The following SH3BP5 variants were observed in gnomAD, a reference collection of about 807,000 sequenced individuals.
SH3BP5 encodes the protein SH3 domain-binding protein 5.
A neutral mutation model predicts 43.3 loss-of-function variants in SH3BP5; 22 were observed. The observed-to-expected ratio is 0.51, with a 90% CI of 0.36 to 0.73. The LOEUF (loss-of-function observed/expected upper bound fraction) is 0.73, where lower values mean the gene tolerates loss of function less well. Among genes scored for constraint, SH3BP5 ranks in the 30% least tolerant of loss-of-function variants. SH3BP5 has a pLI of 0.00. For missense variants in SH3BP5, 529 were observed against 586.9 expected (o/e 0.90, Z 1.02); for synonymous variants, 255 against 225.8 (o/e 1.13, Z -1.16).
chr3:15,338,453 G>A (rs368286097), intron 1 of SH3BP5, among the ~76,000 whole-genome samples: 11 of 152,346 alleles, frequency 7.2e-5, no homozygotes, highest in Admixed American at 5.2e-4. Context: ...ACACTCTGGT[G>A]TCAATATCGG....
At chr3:15,294,109 AAAAAG>A (rs987332257) in intron 3 of SH3BP5, among the ~76,000 whole-genome samples, 3 of 151,714 alleles carry the variant, frequency 2.0e-5, no homozygotes, top group Non-Finnish European at 4.4e-5. Context: ...AAGAAACAAG[AAAAAG>A]AAAAGAGTAC....
intron 3 of SH3BP5, among the ~76,000 whole-genome samples, chr3:15,299,483 ATTTTT>A (rs60281447): frequency 2.1e-4 from 19 of 92,254 alleles, no homozygotes; most frequent in Non-Finnish European, 3.2e-4. Flanking sequence ...CAACAATTAG[ATTTTT>A]TTTTTTTTTT....
chr3:15,296,270 T>G (rs1303290669), intron 3 of SH3BP5, among the ~76,000 whole-genome samples: 1 of 148,826 alleles, frequency 6.7e-6, no homozygotes, highest in Non-Finnish European at 1.5e-5. Context: ...GAGATGCTTT[T>G]CTTTGCCAAT....
In SH3BP5 at chr3:15,296,186, A is replaced by G. The variant is rs528579017; in HGVS notation, c.330+7917T>C. On this transcript the variant is annotated intron_variant, in intron 3 of 8. Coordinates refer to ENST00000383791, the MANE Select transcript of SH3BP5 (RefSeq NM_004844.5). ...TTGTATTTACCTCTGCCATAACACCACCTTCAAGAAGATGGGGCTCCTGGA... is the reference window on the plus strand; with the variant it reads ...TTGTATTTACCTCTGCCATAACACCGCCTTCAAGAAGATGGGGCTCCTGGA... 7.2e-5 allele frequency among the ~76,000 whole-genome samples: 11 copies of G among 152,174 alleles called. No individual in the cohort carries two copies. The South Asian group carries it at 2.3e-3, about 32-fold the overall frequency.
At chr3:15,260,521 A>C (rs949972897) in intron 5 of SH3BP5, 30 of 152,524 alleles carry the variant, frequency 2.0e-4, no homozygotes, top group African/African-American at 7.0e-4. Context: ...ACCCTCCATG[A>C]AGCTCTCAAG....
Position 15,289,395 on chromosome 3 carries a change from A to AT in SH3BP5, c.330+14707dup, listed in dbSNP as rs376987102. On this transcript the variant is annotated intron_variant, in intron 3 of 8. Coordinates refer to ENST00000383791, the MANE Select transcript of SH3BP5 (RefSeq NM_004844.5). ...TTCCTCCTTCTGTCCTGAAATGCAG[A>AT]TGTGATGGCTGGAGTTCCTGGAGCC... Among the ~76,000 whole-genome samples the AT allele has an allele frequency of 3.1e-3, 470 of 152,284 alleles. 5 individuals carry two copies. Among genetic ancestry groups the AT allele is most frequent in the African/African-American group, 0.011 (453 of 41,572 alleles).
chr3:15,280,298 A>C (rs1697086739), intron 3 of SH3BP5, among the ~76,000 whole-genome samples: 1 of 152,024 alleles, frequency 6.6e-6, no homozygotes, highest in African/African-American at 2.4e-5. Context: ...TTCATGCTCT[A>C]GCAGTGTGCC....
chr3:15,298,215 G>A (rs544946253), intron 3 of SH3BP5, among the ~76,000 whole-genome samples: 9 of 152,012 alleles, frequency 5.9e-5, no homozygotes, highest in Admixed American at 1.3e-4. Context: ...CAGTCCTCCC[G>A]CCTTGGCCTC....
intron 2 of SH3BP5, among the ~76,000 whole-genome samples, chr3:15,312,913 G>T (rs1381392871): frequency 6.6e-6 from 1 of 152,042 alleles, no homozygotes; most frequent in Non-Finnish European, 1.5e-5. Context: ...ATTTTCCTTT[G>T]ATGGTTTTCC....
At chr3:15,315,547 A>G (rs974868216) in intron 2 of SH3BP5, among the ~76,000 whole-genome samples, 1 of 152,126 alleles carries the variant, frequency 6.6e-6, no homozygotes, top group Non-Finnish European at 1.5e-5. Flanking sequence ...AAGGGTCATC[A>G]TGGTTTTCTC....
At chr3:15,332,193 A>G (rs1698628958) in intron 1 of SH3BP5, 78 bp downstream of exon 1, 1 of 1,537,606 alleles carries the variant, frequency 6.5e-7, no homozygotes, top group East Asian at 2.4e-5. Context: ...GGGGCTGCGA[A>G]GTGGCTGTAC....
At chr3:15,273,756 C>T (rs1290739966) in intron 3 of SH3BP5, among the ~76,000 whole-genome samples, 1 of 152,202 alleles carries the variant, frequency 6.6e-6, no homozygotes, top group African/African-American at 2.4e-5. Flanking sequence ...CTCACTACAA[C>T]TGGTCCCTCT....
intron 5 of SH3BP5, chr3:15,260,128 G>A (rs986382427): frequency 2.7e-6 from 1 of 369,922 alleles, no homozygotes; most frequent in African/African-American, 2.1e-5. Context: ...AGCCTCACAG[G>A]TTATACCCAG....
chr3:15,281,363 G>A (rs1697124501), intron 3 of SH3BP5, among the ~76,000 whole-genome samples: 1 of 152,180 alleles, frequency 6.6e-6, no homozygotes, highest in Non-Finnish European at 1.5e-5. Flanking sequence ...CATGGTCTGT[G>A]TCAAGAGAAC....
At chr3:15,326,574 G>A (rs577154420) in intron 2 of SH3BP5, among the ~76,000 whole-genome samples, 1 of 152,312 alleles carries the variant, frequency 6.6e-6, no homozygotes, top group East Asian at 1.9e-4. Flanking sequence ...TTCCATACTT[G>A]TGAATTCGTC....
chr3:15,296,341 TACACACACACACAC>T (rs141504303), intron 3 of SH3BP5, among the ~76,000 whole-genome samples: 1 of 146,160 alleles, frequency 6.8e-6, no homozygotes, highest in African/African-American at 2.5e-5. Context: ...GGAAATCATA[TACACACACACACAC>T]ACACACACAC....
chr3:15,323,899 C>G (rs1373078157), intron 2 of SH3BP5, among the ~76,000 whole-genome samples: 1 of 152,160 alleles, frequency 6.6e-6, no homozygotes, highest in Non-Finnish European at 1.5e-5. Context: ...AGTCACTCTA[C>G]AAGTTTCAAA....
At position 15,284,490 on chromosome 3, in the gene SH3BP5, T is replaced by G. The variant is rs551986584; in HGVS notation, c.331-14613A>C. ...TTTGGCGACTGCTTTCCAACACACT[T>G]GAAATAAATGGGTTCAAAGTCGTTA... On this transcript the variant is annotated intron_variant, in intron 3 of 8. Coordinates refer to ENST00000383791, the MANE Select transcript of SH3BP5 (RefSeq NM_004844.5). Among the ~76,000 whole-genome samples the G allele has an allele frequency of 2.4e-4, 36 of 152,300 alleles. 1 individual carries two copies. The highest frequency in any genetic ancestry group is 2.0e-3 in the Admixed American group (30 of 15,296).
rs1270733943 is a variant in SH3BP5, at chr3:15,288,021, G to C, written c.330+16082C>G. Among the ~76,000 whole-genome samples, 3 of 152,210 alleles carry C rather than the reference G, an allele frequency of 2.0e-5. No homozygotes were observed. The South Asian group carries it at 6.2e-4, about 32-fold the overall frequency. On this transcript the variant is annotated intron_variant, in intron 3 of 8. Coordinates refer to ENST00000383791, the MANE Select transcript of SH3BP5 (RefSeq NM_004844.5). The stretch of plus-strand genomic sequence containing the variant: ...TAAGGAACTGGCTCGTGCAATTATG[G>C]AGGCTGGCAAGTTCAAAATCTGCAG...
Sources: allele counts gnomAD v4.1 joint callset (sites outside exome capture counted in the v4.1 genomes callset), GRCh38; gene constraint gnomAD v4.1.1; transcripts MANE v1.5; gene names NCBI Gene and HGNC (gene_info 2026-07-23, HGNC 2026-07-21).